EPM2A: variants seen among roughly 807,000 people sequenced by gnomAD.
EPM2A encodes the protein EPM2A glucan phosphatase, laforin.
A neutral mutation model predicts 26.5 loss-of-function variants in EPM2A; 21 were observed. The ratio of observed to expected loss-of-function variants is 0.79; its 90% CI spans 0.56 to 1.14. EPM2A has a LOEUF of 1.14. Ranked by LOEUF, EPM2A falls within the 50% of genes most tolerant of loss-of-function variation. The pLI, the probability that EPM2A is intolerant of heterozygous loss-of-function variation, is 0.00. For missense variants in EPM2A, 458 were observed against 440.8 expected, an observed-to-expected ratio of 1.04 and a Z score of -0.35; for synonymous variants, 217 against 177.6, an observed-to-expected ratio of 1.22 and a Z score of -1.76.
chr6:145,492,540 C>T (rs564701666), intron 4 of EPM2A, among the ~76,000 whole-genome samples: 5 of 152,278 alleles, frequency 3.3e-5, no homozygotes, highest in African/African-American at 1.2e-4. Context: ...ACCTGTGGCA[C>T]CCGAGCTCTT....
chr6:145,406,679 T>C (rs2114671561), intron 4 of EPM2A, among the ~76,000 whole-genome samples: 3 of 152,288 alleles, frequency 2.0e-5, no homozygotes, highest in Middle Eastern at 6.8e-3. Context: ...GAAAACCAAA[T>C]GTCTTAAAAG....
At chr6:145,408,868 G>C (rs1001908540) in intron 4 of EPM2A, among the ~76,000 whole-genome samples, 2 of 152,078 alleles carry the variant, frequency 1.3e-5, no homozygotes, top group Admixed American at 1.3e-4. Context: ...TTTTACAGGA[G>C]CACTAATGAC....
chr6:145,407,069 G>A (rs759833060), intron 4 of EPM2A, among the ~76,000 whole-genome samples: 3 of 152,086 alleles, frequency 2.0e-5, no homozygotes, highest in Non-Finnish European at 2.9e-5. Context: ...GATGCTGACC[G>A]TGCGATCCCC....
intron 3 of EPM2A, chr6:145,631,462 A>C (rs1022398433): frequency 1.3e-5 from 2 of 152,104 alleles, no homozygotes. Flanking sequence ...AAGACATTCT[A>C]CCCTCTGAGT....
intron 2 of EPM2A, among the ~76,000 whole-genome samples, chr6:145,541,628 C>T (rs17797792): frequency 0.083 from 12,545 of 151,990 alleles, 610 homozygotes; most frequent in East Asian, 0.17. Context: ...AGCATTGGCA[C>T]GGTTATCTGT....
chr6:145,674,404 G>C (rs73579460), intron 2 of EPM2A, among the ~76,000 whole-genome samples: 2,098 of 152,194 alleles, frequency 0.014, 42 homozygotes, highest in African/African-American at 0.047. Flanking sequence ...CAGTTCCTTG[G>C]GGGCAATGGA....
At chr6:145,589,939 A>G (rs1781249219) in intron 2 of EPM2A, among the ~76,000 whole-genome samples, 2 of 152,052 alleles carry the variant, frequency 1.3e-5, no homozygotes, top group African/African-American at 4.8e-5. Flanking sequence ...TTAAGATAAG[A>G]ATTTTTAAAA....
chr6:145,450,852 T>C (rs1779187212), intron 4 of EPM2A, among the ~76,000 whole-genome samples: 1 of 152,212 alleles, frequency 6.6e-6, no homozygotes, highest in South Asian at 2.1e-4. Context: ...TCAAGGACCA[T>C]TTTCCAACAC....
At chr6:145,553,399 T>A (rs1780680987) in intron 2 of EPM2A, among the ~76,000 whole-genome samples, 1 of 152,114 alleles carries the variant, frequency 6.6e-6, no homozygotes, top group South Asian at 2.1e-4. Flanking sequence ...ATGCTCCTCC[T>A]CAGTAGCGTG....
intron 2 of EPM2A, among the ~76,000 whole-genome samples, chr6:145,646,314 G>C (rs1163720289): frequency 6.6e-6 from 1 of 151,722 alleles, no homozygotes; most frequent in Non-Finnish European, 1.5e-5. Context: ...GTGCCACCAC[G>C]CTTGGCTAAT....
intron 1 of EPM2A, among the ~76,000 whole-genome samples, chr6:145,702,673 G>T (rs1781988941): frequency 6.6e-6 from 1 of 152,080 alleles, no homozygotes; most frequent in African/African-American, 2.4e-5. Flanking sequence ...TGCAAAAGAG[G>T]TATACTACTA....
intron 2 of EPM2A, among the ~76,000 whole-genome samples, chr6:145,683,268 G>GGGGT (rs955430424): frequency 1.5e-5 from 2 of 134,010 alleles, no homozygotes; most frequent in African/African-American, 5.5e-5. Context: ...CCCAGGATTT[G>GGGGT]GTGTGTGTGT....
At chr6:145,450,796 A>G (rs963316882) in intron 4 of EPM2A, among the ~76,000 whole-genome samples, 1 of 152,224 alleles carries the variant, frequency 6.6e-6, no homozygotes, top group Admixed American at 6.5e-5. Context: ...TCTCTAGGGT[A>G]GTAAGCTGGA....
At chr6:145,678,421 G>C (rs1193392238) in intron 2 of EPM2A, among the ~76,000 whole-genome samples, 1 of 152,136 alleles carries the variant, frequency 6.6e-6, no homozygotes, top group East Asian at 1.9e-4. Context: ...AAACTAAAGA[G>C]CTTCTGCACA....
intron 1 of EPM2A, among the ~76,000 whole-genome samples, chr6:145,706,728 G>A (rs957034835): frequency 6.6e-6 from 1 of 152,054 alleles, no homozygotes; most frequent in Non-Finnish European, 1.5e-5. Flanking sequence ...TTAATAAGAT[G>A]GTTTTGTTCA....
intron 2 of EPM2A, among the ~76,000 whole-genome samples, chr6:145,527,288 A>C (rs1037973215): frequency 6.6e-6 from 1 of 152,018 alleles, no homozygotes; most frequent in African/African-American, 2.4e-5. Flanking sequence ...GTGTTCTGTA[A>C]ATGTCTATTA....
chr6:145,476,885 A>T (rs1297892446), intron 4 of EPM2A, among the ~76,000 whole-genome samples: 1 of 152,014 alleles, frequency 6.6e-6, no homozygotes, highest in Non-Finnish European at 1.5e-5. Context: ...GATGTATATT[A>T]AAGAATTAGA....
intron 4 of EPM2A, among the ~76,000 whole-genome samples, chr6:145,430,206 A>C (rs1239734523): frequency 6.6e-6 from 1 of 151,652 alleles, no homozygotes; most frequent in African/African-American, 2.4e-5. Flanking sequence ...TAAATAAATA[A>C]AAATAAACGA....
intron 4 of EPM2A, among the ~76,000 whole-genome samples, chr6:145,397,110 G>A (rs9497291): frequency 0.38 from 57,149 of 151,946 alleles, 10,993 homozygotes; most frequent in South Asian, 0.46. Context: ...GTTCACTCCC[G>A]TGAGAAAACA....
Sources: allele counts gnomAD v4.1 joint callset (sites outside exome capture counted in the v4.1 genomes callset), GRCh38; gene constraint gnomAD v4.1.1; transcripts MANE v1.5; gene names NCBI Gene and HGNC (gene_info 2026-07-23, HGNC 2026-07-21).